Variants in SCARF2 observed in about 807,000 individuals in gnomAD.
SCARF2 encodes the protein scavenger receptor expressed by endothelial cells 2 protein.
A neutral mutation model predicts 73.4 loss-of-function variants in SCARF2; 39 were observed. The ratio of observed to expected loss-of-function variants is 0.53; its 90% CI spans 0.41 to 0.69. The LOEUF (loss-of-function observed/expected upper bound fraction) is 0.69. Ranked by LOEUF, SCARF2 falls within the 30% of genes least tolerant of loss-of-function variation. The probability of loss-of-function intolerance (pLI) is 0.00; values close to 1 mark genes in which losing one functional copy is unlikely to be tolerated. For synonymous variants in SCARF2, 605 were observed against 590.0 expected (o/e 1.03, Z -0.37); for missense variants, 1,148 against 1,303.5 (o/e 0.88, Z 1.84).
chr22:20,428,226 C>T (rs1431995606), intron 9 of SCARF2, among the ~76,000 whole-genome samples: 1 of 142,432 alleles, frequency 7.0e-6, no homozygotes, highest in Non-Finnish European at 1.5e-5. Context: ...CTCCCTCCCT[C>T]CCTCCCTCCC....
Position 20,425,507 on chromosome 22 carries a change from C to T in SCARF2, c.2469G>A (p.Gly823=), listed in dbSNP as rs573786666. 9.6e-6 allele frequency: 13 copies of T among 1,358,166 alleles called. No individual in the cohort carries two copies. The South Asian group carries it at 2.2e-4, about 23-fold the overall frequency. 84.1% of individuals were successfully genotyped at this position (1,358,166 alleles called of 1,614,324 possible). A position where few individuals can be genotyped will look rare whatever the true frequency, so the allele number is the denominator to read the frequency against. ...ARAPPATETP[G]PEKAATDLPA... The stretch of plus-strand genomic sequence containing the variant: ...GCAAGTCGGTCGCCGCCTTCTCAGG[C>T]CCCGGGGTTTCGGTCGCTGGGGGCG... The change falls in exon 11 of 11, where the codon GGG becomes GGA. Residue 823 remains glycine (G), a synonymous_variant. Coordinates refer to ENST00000622235, the MANE Select transcript of SCARF2 (RefSeq NM_182895.5). This position sits in a 1 kb window ranked among gnomAD's most constrained non-coding sequence, Gnocchi z 4.6.
intron 10 of SCARF2, among the ~76,000 whole-genome samples, chr22:20,426,698 G>T (rs1261147414): frequency 1.3e-5 from 2 of 152,222 alleles, no homozygotes; most frequent in African/African-American, 4.8e-5. Flanking sequence ...ACTTTGGGAG[G>T]CTGCGGTCAC....
At chr22:20,427,821 G>A (rs374988419) in intron 9 of SCARF2, among the ~76,000 whole-genome samples, 5 of 152,254 alleles carry the variant, frequency 3.3e-5, no homozygotes, top group Admixed American at 6.5e-5. Context: ...TTGGGCTGAC[G>A]TGTTGAGAAA....
At position 20,429,387 on chromosome 22, in the gene SCARF2, C is replaced by G; in HGVS notation, c.1425-47G>C. ...GGAGGGGCGGGGCCGGGGCGGGGCC[C>G]AGGGGCGATTAGATCTCGGCCGGAG... On this transcript the variant is annotated intron_variant, in intron 8 of 10. Transcript: ENST00000622235. The surrounding 1 kb of genome is among the most constrained non-coding windows in gnomAD (Gnocchi z 5.2). 6.4e-7 allele frequency: 1 copy of G among 1,562,948 alleles called. No individual in the cohort carries two copies. Among genetic ancestry groups the G allele is most frequent in the Non-Finnish European group, 8.7e-7 (1 of 1,153,934 alleles).
chr22:20,429,610 G>C lies in SCARF2; in HGVS notation c.1350C>G (p.Leu450=). ...AGAGCAGCAGGCAGACGAGCAGGAC[G>C]AGCAGCGCGCCCGCGCCCATCACGC... ...RKGVMGAGAL[L]VLLVCLLLSL... is the part of the protein sequence containing the mutation. The change falls in exon 8 of 11, where the codon CTC becomes CTG. Residue 450 remains leucine, a synonymous_variant. Coordinates refer to ENST00000622235, the MANE Select transcript of SCARF2 (RefSeq NM_182895.5). The surrounding 1 kb of genome is among the most constrained non-coding windows in gnomAD (Gnocchi z 5.2). 9.3e-6 allele frequency: 15 copies of C among 1,613,650 alleles called. No individual in the cohort carries two copies. The highest frequency in any genetic ancestry group is 1.3e-5 in the Non-Finnish European group (15 of 1,179,916).
At position 20,426,048 on chromosome 22, in the gene SCARF2, A is replaced by G; in HGVS notation, c.1928T>C (p.Leu643Pro). ...GCGCTCGGGCGATGGCGACAGCGAC[A>G]GGCCCCCAATCTCGCCCCGGGCCCG... ...PARARGEIGG[L>P]SLSPSPERRK... The change falls in exon 11 of 11, where the codon CTG becomes CCG. Residue 643 changes from leucine (L) to proline (P), a missense_variant. Coordinates refer to ENST00000622235, the MANE Select transcript of SCARF2 (RefSeq NM_182895.5). 6.4e-7 allele frequency: 1 copy of G among 1,574,776 alleles called. No homozygotes were observed. The highest frequency in any genetic ancestry group is 1.1e-5 in the South Asian group (1 of 88,110).
rs895616707 is a variant in SCARF2, at chr22:20,429,116, C to G, written c.1540+109G>C. The G allele has an allele frequency of 1.2e-5, 18 of 1,444,790 alleles. No homozygotes were observed. The highest frequency in any genetic ancestry group is 5.2e-5 in the Admixed American group (3 of 57,792). 89.5% of individuals were successfully genotyped at this position (1,444,790 alleles called of 1,614,324 possible). A position where few individuals can be genotyped will look rare whatever the true frequency, so the allele number is the denominator to read the frequency against. ...CCTCGCGCCCACGCACATCAACACTCAAGGTCCCCCATTTCCTCACTGAGA... is the reference window on the plus strand; with the variant it reads ...CCTCGCGCCCACGCACATCAACACTGAAGGTCCCCCATTTCCTCACTGAGA... On this transcript the variant is annotated intron_variant, in intron 9 of 10. Transcript: ENST00000622235. This position sits in a 1 kb window ranked among gnomAD's most constrained non-coding sequence, Gnocchi z 5.2.
chr22:20,429,575 C>G lies in SCARF2; in HGVS notation c.1385G>C (p.Gly462Ala). The change falls in exon 8 of 11, where the codon GGC becomes GCC. Residue 462 changes from glycine to alanine, a missense_variant. Gly to Ala is a moderately conservative substitution (Grantham distance 60). Around this residue, in one of 5 missense-constraint regions of SCARF2, gnomAD observed 437 missense variants for 433.6 expected, o/e 1.01. Coordinates refer to ENST00000622235, the MANE Select transcript of SCARF2 (RefSeq NM_182895.5). This position sits in a 1 kb window ranked among gnomAD's most constrained non-coding sequence, Gnocchi z 5.2. ...CTTGCCGCGGCAAGCGCAGCAGCAG[C>G]CGAGCAGCGAGAGCAGCAGGCAGAC... ...LLVCLLLSLL[G>A]CCCACRGKDP... 1.2e-6 allele frequency: 2 copies of G among 1,613,304 alleles called. No individual in the cohort carries two copies. Among genetic ancestry groups the G allele is most frequent in the Non-Finnish European group, 1.7e-6 (2 of 1,179,876 alleles).
chr22:20,431,321 G>A lies in SCARF2; in HGVS notation c.551C>T (p.Ala184Val). The change falls in exon 4 of 11, where the codon GCG becomes GTG. Residue 184 changes from alanine to valine, a missense_variant. By Grantham distance (64) the Ala-to-Val change is moderately conservative (BLOSUM62 0). Around this residue, in one of 5 missense-constraint regions of SCARF2, gnomAD observed 372 missense variants for 532.0 expected, o/e 0.70. Coordinates refer to ENST00000622235, the MANE Select transcript of SCARF2 (RefSeq NM_182895.5). ...PGWWGAQCASACYCSATSRCD... is the reference protein window; with the variant it reads ...PGWWGAQCASVCYCSATSRCD... ...GCGCGACGTGGCGCTGCAGTAGCAC[G>A]CGCTGGCGCACTGCGCGCCCCACCA... 1.3e-6 allele frequency: 2 copies of A among 1,508,852 alleles called. No individual in the cohort carries two copies. The highest frequency in any genetic ancestry group is 2.9e-5 in the African/African-American group (2 of 69,400). The allele number at this position is 1,508,852 out of a possible 1,614,324, so 93.5% of individuals were successfully genotyped here.
intron 10 of SCARF2, among the ~76,000 whole-genome samples, chr22:20,426,719 G>T (rs111631797): frequency 0.092 from 14,074 of 152,258 alleles, 895 homozygotes; most frequent in Middle Eastern, 0.16. Context: ...CTGAGGTCAG[G>T]AGTTTGAGAC....
chr22:20,426,269 C>T lies in SCARF2; in HGVS notation c.1707G>A (p.Glu569=), dbSNP rs2052577880. 1 of 1,534,220 alleles carries T rather than the reference C, an allele frequency of 6.5e-7. No homozygotes were observed. ...CAGTGGGGACTTCGGGGTCCCGGCT[C>T]TCCGCTGGTGCCTCTGGCAAGGGAA... ...YCVPHEEAPA[E]SRDPEVPTVP... Residue 569 remains glutamate (E), a synonymous_variant, in exon 11 of 11, where the codon GAG becomes GAA. Coordinates refer to ENST00000622235, the MANE Select transcript of SCARF2 (RefSeq NM_182895.5).
rs1321314193 is a variant in SCARF2 at position 20,425,241 on chromosome 22, A to G, written c.*134T>C. On this transcript the variant is annotated 3_prime_UTR_variant, in exon 11 of 11. Coordinates refer to ENST00000622235, the MANE Select transcript of SCARF2 (RefSeq NM_182895.5). The surrounding 1 kb of genome is among the most constrained non-coding windows in gnomAD (Gnocchi z 4.6). ...AGGAGCGGCTGCAGGACCTGAGCCA[A>G]TGAGACGCAACCTCCGCTAGCCGCG... 1 of 713,028 alleles carries G rather than the reference A, an allele frequency of 1.4e-6. No homozygotes were observed. Among genetic ancestry groups the G allele is most frequent in the Non-Finnish European group, 2.0e-6 (1 of 499,946 alleles). 44.2% of individuals were successfully genotyped at this position (713,028 alleles called of 1,614,324 possible).
intron 6 of SCARF2, 80 bp downstream of exon 6, chr22:20,430,349 G>A (rs972031901): frequency 2.0e-6 from 3 of 1,495,514 alleles, no homozygotes; most frequent in African/African-American, 1.4e-5. Context: ...AGCTCAGGGT[G>A]GAGAGGCCAC....
chr22:20,427,219 A>C (rs2052588611), intron 10 of SCARF2, among the ~76,000 whole-genome samples, 179 bp downstream of exon 10: 1 of 144,776 alleles, frequency 6.9e-6, no homozygotes, highest in Non-Finnish European at 1.5e-5. Flanking sequence ...TGTCTCCGGT[A>C]CTGAGCAGCA....
At position 20,425,481 on chromosome 22, in the gene SCARF2, G is replaced by A. The variant is rs2052562114; in HGVS notation, c.2495C>T (p.Pro832Leu). 7.3e-7 allele frequency: 1 copy of A among 1,374,294 alleles called. No homozygotes were observed. 85.1% of individuals were successfully genotyped at this position (1,374,294 alleles called of 1,614,324 possible). ...CTTCTTCCGGGGGGTCTCAGGCGCG[G>A]GCAAGTCGGTCGCCGCCTTCTCAGG... ...PGPEKAATDL[P>L]APETPRKKTP... The change falls in exon 11 of 11, where the codon CCC (proline) becomes CTC (leucine). Residue 832 changes from proline (P) to leucine (L), a missense_variant. Pro to Leu is a moderately conservative substitution (Grantham distance 98). This residue lies in a region of SCARF2 where 169 missense variants were observed against 136.9 expected (regional missense o/e 1.23). Transcript: ENST00000622235. This position sits in a 1 kb window ranked among gnomAD's most constrained non-coding sequence, Gnocchi z 4.6.
Position 20,426,114 on chromosome 22 carries a change from G to T in SCARF2, c.1862C>A (p.Ala621Asp). 1 of 1,464,360 alleles carries T rather than the reference G, an allele frequency of 6.8e-7. No individual in the cohort carries two copies. The highest frequency in any genetic ancestry group is 9.0e-7 in the Non-Finnish European group (1 of 1,116,908). The allele number at this position is 1,464,360 out of a possible 1,614,324, so 90.7% of individuals were successfully genotyped here. A position where few individuals can be genotyped will look rare whatever the true frequency, so the allele number is the denominator to read the frequency against. The change falls in exon 11 of 11, where the codon GCT (alanine) becomes GAT (aspartate). Residue 621 changes from alanine (A) to aspartate (D), a missense_variant. Coordinates refer to ENST00000622235, the MANE Select transcript of SCARF2 (RefSeq NM_182895.5). ...SASSVEGPGG[A>D]LYARVARREA... ...GCGTCGGGCCACGCGCGCGTACAGA[G>T]CCCCTCCGGGCCCCTCCACGCTGGA...
In SCARF2 at chr22:20,426,231, G is replaced by A; in HGVS notation, c.1745C>T (p.Ala582Val). ...DPEVPTVPAEAPAPSPVPLTT... is the reference protein window; with the variant it reads ...DPEVPTVPAEVPAPSPVPLTT... ...CAAGGGCACAGGGGACGGCGCCGGC[G>A]CCTCGGCAGGGACAGTGGGGACTTC... The change falls in exon 11 of 11, where the codon GCG (alanine) becomes GTG (valine). Residue 582 changes from alanine (A) to valine (V), a missense_variant. Ala to Val is a moderately conservative substitution (Grantham distance 64). Transcript: ENST00000622235. 3 of 1,534,770 alleles carry A rather than the reference G, an allele frequency of 2.0e-6. No homozygotes were observed. Among genetic ancestry groups the A allele is most frequent in the Non-Finnish European group, 2.6e-6 (3 of 1,146,596 alleles).
At chr22:20,426,667 G>T (rs909081105) in intron 10 of SCARF2, among the ~76,000 whole-genome samples, 1 of 152,218 alleles carries the variant, frequency 6.6e-6, no homozygotes, top group Non-Finnish European at 1.5e-5. Flanking sequence ...GGGCGTGGTG[G>T]CTCACGCCTG....
Position 20,425,417 on chromosome 22 carries a change from C to A in SCARF2, c.2559G>T (p.Glu853Asp). 1 of 1,431,150 alleles carries A rather than the reference C, an allele frequency of 7.0e-7. No individual in the cohort carries two copies. The highest frequency in any genetic ancestry group is 9.2e-7 in the Non-Finnish European group (1 of 1,090,392). The allele number at this position is 1,431,150 out of a possible 1,614,324, so 88.7% of individuals were successfully genotyped here. The part of the protein sequence containing the change: ...IQKPPRKKSR[E>D]AAGELGRAGA... ...CCGCCCTGCCCAGCTCGCCCGCCGCCTCCCGGCTCTTCTTGCGCGGCGGCT... is the reference window on the plus strand; with the variant it reads ...CCGCCCTGCCCAGCTCGCCCGCCGCATCCCGGCTCTTCTTGCGCGGCGGCT... The change falls in exon 11 of 11, where the codon GAG (glutamate) becomes GAT (aspartate). Residue 853 changes from glutamate to aspartate, a missense_variant. Glu to Asp is a conservative substitution (Grantham distance 45, BLOSUM62 2). Coordinates refer to ENST00000622235, the MANE Select transcript of SCARF2 (RefSeq NM_182895.5). The surrounding 1 kb of genome is among the most constrained non-coding windows in gnomAD (Gnocchi z 4.6).
Sources: gnomAD v4.1 joint callset for allele counts (sites outside exome capture counted in the v4.1 genomes callset) on GRCh38, gnomAD v4.1.1 for gene constraint, gnomAD v4.1.1 regional missense constraint, Gnocchi (gnomAD v3.1) non-coding constraint, MANE v1.5 for transcripts, NCBI Gene and HGNC (gene_info 2026-07-23, HGNC 2026-07-21) for gene names.